Variants in STK3 observed in about 807,000 individuals in gnomAD.
STK3 encodes the protein serine/threonine-protein kinase 3.
A neutral mutation model predicts 58.0 loss-of-function variants in STK3; 41 were observed. The ratio of observed to expected loss-of-function variants is 0.71; its 90% CI spans 0.55 to 0.92. The LOEUF (loss-of-function observed/expected upper bound fraction) is 0.92, where lower values mean the gene tolerates loss of function less well. Among genes scored for constraint, STK3 ranks in the 40% least tolerant of loss-of-function variants. STK3 has a pLI of 0.00. For synonymous variants in STK3, 170 were observed against 191.0 expected, an observed-to-expected ratio of 0.89 and a Z score of 0.91; for missense variants, 479 against 602.7, an observed-to-expected ratio of 0.79 and a Z score of 2.15.
intron 7 of STK3, among the ~76,000 whole-genome samples, chr8:98,589,446 T>C (rs1815038859): frequency 1.3e-5 from 2 of 152,204 alleles, no homozygotes; most frequent in Non-Finnish European, 2.9e-5. Context: ...AAGGAGGCAG[T>C]CTGCCCCTTC....
chr8:98,427,955 G>C lies in STK3; in HGVS notation n.483+6172C>G, dbSNP rs1017031432. The C allele has an allele frequency of 2.7e-6, 4 of 1,473,072 alleles. No individual in the cohort carries two copies. In the South Asian group the frequency reaches 5.4e-5, roughly 20 times the overall value. 91.3% of individuals were successfully genotyped at this position (1,473,072 alleles called of 1,614,324 possible). ...GCTTCCAGGTGTAGCGCCCCCGCGC[G>C]GCGCGGGCGGCCGGCGCCTCCAGCA... On this transcript the variant is annotated intron_variant and non_coding_transcript_variant, in intron 3 of 3. Transcript: ENST00000517832.
intron 6 of STK3, among the ~76,000 whole-genome samples, chr8:98,624,808 C>T (rs986008075): frequency 2.6e-5 from 4 of 151,584 alleles, no homozygotes; most frequent in African/African-American, 9.7e-5. Context: ...GAGTTGAGAT[C>T]GTGCCACTGC....
At chr8:98,655,616 A>G (rs1487854078) in intron 6 of STK3, among the ~76,000 whole-genome samples, 1 of 151,618 alleles carries the variant, frequency 6.6e-6, no homozygotes, top group Non-Finnish European at 1.5e-5. Flanking sequence ...CAGAATCTAT[A>G]ATGAACTCAA....
intron 6 of STK3, among the ~76,000 whole-genome samples, chr8:98,623,941 A>T (rs1342542229): frequency 6.6e-6 from 1 of 152,256 alleles, no homozygotes; most frequent in Non-Finnish European, 1.5e-5. Flanking sequence ...TGTTGTTTAA[A>T]TCACCCAGTC....
chr8:98,534,020 T>G (rs1809558000), intron 9 of STK3, among the ~76,000 whole-genome samples: 4 of 152,240 alleles, frequency 2.6e-5, no homozygotes. Flanking sequence ...CTAGCATTGG[T>G]GCACTGCTGA....
At chr8:98,784,107 GA>G (rs1157131966) in intron 1 of STK3, among the ~76,000 whole-genome samples, 1 of 152,170 alleles carries the variant, frequency 6.6e-6, no homozygotes, top group Non-Finnish European at 1.5e-5. Flanking sequence ...CTAACTTGGG[GA>G]CAAGCTGATT....
intron 10 of STK3, among the ~76,000 whole-genome samples, chr8:98,485,581 GGT>G (rs1314528752): frequency 1.3e-5 from 2 of 152,160 alleles, no homozygotes; most frequent in Non-Finnish European, 2.9e-5. Context: ...AGAACAGATA[GGT>G]TTAAGCTGGG....
chr8:98,758,771 C>A (rs997557066), intron 3 of STK3, among the ~76,000 whole-genome samples: 4 of 152,252 alleles, frequency 2.6e-5, no homozygotes, highest in African/African-American at 9.6e-5. Context: ...CATCAATTAT[C>A]TCAGCTACAT....
intron 6 of STK3, among the ~76,000 whole-genome samples, chr8:98,619,398 G>A (rs1056817681): frequency 7.3e-5 from 11 of 150,950 alleles, no homozygotes; most frequent in Non-Finnish European, 1.2e-4. Flanking sequence ...TCAGGACATA[G>A]GCGTGGGGAA....
chr8:98,562,737 G>GAAAAAAAAAAAA (rs778049177), intron 8 of STK3, among the ~76,000 whole-genome samples: 1 of 17,406 alleles, frequency 5.7e-5, no homozygotes, highest in Non-Finnish European at 9.6e-5. Context: ...CACAAAAAAT[G>GAAAAAAAAAAAA]AAAAAAAAAA....
intron 10 of STK3, among the ~76,000 whole-genome samples, chr8:98,507,063 T>C (rs1824152755): frequency 6.6e-6 from 1 of 152,212 alleles, no homozygotes; most frequent in Non-Finnish European, 1.5e-5. Context: ...ATTTCTTTGT[T>C]ACAGCAGCCA....
intron 1 of STK3, among the ~76,000 whole-genome samples, chr8:98,809,081 C>T (rs966058184): frequency 6.6e-6 from 1 of 152,194 alleles, no homozygotes; most frequent in Non-Finnish European, 1.5e-5. Flanking sequence ...AGTGATGCAC[C>T]CCAACTCCAT....
intron 1 of STK3, among the ~76,000 whole-genome samples, chr8:98,939,770 G>A (rs1270566766): frequency 1.3e-5 from 2 of 152,272 alleles, no homozygotes; most frequent in East Asian, 3.8e-4. Flanking sequence ...TCTTTTCCGA[G>A]GATGTTCTTT....
At chr8:98,475,264 C>A (rs1821221086) in intron 10 of STK3, among the ~76,000 whole-genome samples, 1 of 152,266 alleles carries the variant, frequency 6.6e-6, no homozygotes, top group African/African-American at 2.4e-5. Flanking sequence ...CTCTCAGGTT[C>A]ATGCACCTGA....
chr8:98,603,487 T>A (rs1167624173), intron 6 of STK3: 1 of 152,224 alleles, frequency 6.6e-6, no homozygotes, highest in Non-Finnish European at 1.5e-5. Context: ...TCTGCCCACC[T>A]TGGCCTCCCA....
intron 6 of STK3, among the ~76,000 whole-genome samples, chr8:98,639,867 T>G (rs987764295): frequency 6.6e-6 from 1 of 152,066 alleles, no homozygotes; most frequent in Admixed American, 6.5e-5. Flanking sequence ...TCCCAGCACT[T>G]TGGAAGGCTT....
At chr8:98,821,266 G>T (rs1032547254) in intron 1 of STK3, among the ~76,000 whole-genome samples, 2 of 152,096 alleles carry the variant, frequency 1.3e-5, no homozygotes, top group African/African-American at 2.4e-5. Flanking sequence ...TAGGTTGCAC[G>T]CTCCTTATGA....
intron 1 of STK3, among the ~76,000 whole-genome samples, chr8:98,775,966 GAC>G (rs1169983359): frequency 6.6e-6 from 1 of 152,008 alleles, no homozygotes. Context: ...TTTAAGAAAA[GAC>G]ACATTAATTT....
chr8:98,555,666 C>T (rs918738970), intron 8 of STK3, among the ~76,000 whole-genome samples: 5 of 151,970 alleles, frequency 3.3e-5, no homozygotes, highest in African/African-American at 9.7e-5. Context: ...CAGAAAAAAA[C>T]GTGTAAAATA....
Sources: gnomAD v4.1 joint callset for allele counts (sites outside exome capture counted in the v4.1 genomes callset) on GRCh38, gnomAD v4.1.1 for gene constraint, MANE v1.5 for transcripts, NCBI Gene and HGNC (gene_info 2026-07-23, HGNC 2026-07-21) for gene names.